DPYD: variants seen among roughly 807,000 people sequenced by gnomAD.
DPYD encodes dihydropyrimidine dehydrogenase, also known as dihydropyrimidine dehydrogenase [NADP(+)].
In DPYD, 109 loss-of-function variants were observed where a neutral mutation model predicts 116.2. The observed-to-expected ratio is 0.94, with a 90% CI of 0.80 to 1.10. The LOEUF (loss-of-function observed/expected upper bound fraction) is 1.10. DPYD is among the 50% of genes least tolerant of loss of function. DPYD has a pLI of 0.00. For synonymous variants in DPYD, 440 were observed against 432.0 expected (o/e 1.02, Z -0.23); for missense variants, 1,302 against 1,254.5 (o/e 1.04, Z -0.57).
At chr1:97,514,256 G>A in intron 13 of DPYD, 1 of 984,322 alleles carries the variant, frequency 1.0e-6, no homozygotes, top group Non-Finnish European at 1.2e-6. Flanking sequence ...ATCAATGCAT[G>A]TCACCAACAG....
At chr1:97,409,446 A>G (rs1222792359) in intron 14 of DPYD, among the ~76,000 whole-genome samples, 1 of 152,124 alleles carries the variant, frequency 6.6e-6, no homozygotes, top group African/African-American at 2.4e-5. Context: ...GGTCCTTTTT[A>G]TCAAGGTACC....
Position 97,699,629 on chromosome 1 carries a change from T to G in DPYD, c.484-82A>C, listed in dbSNP as rs960409980. 3.6e-6 allele frequency: 5 copies of G among 1,398,158 alleles called. No individual in the cohort carries two copies. In the African/African-American group the frequency reaches 7.1e-5, roughly 20 times the overall value. 86.6% of individuals were successfully genotyped at this position (1,398,158 alleles called of 1,614,324 possible). ...CATATTTTTAATGTTTCAAACGAATTCTTGTTTTAAATAGCAATGAGCAGT... is the reference window on the plus strand; with the variant it reads ...CATATTTTTAATGTTTCAAACGAATGCTTGTTTTAAATAGCAATGAGCAGT... On this transcript the variant is annotated intron_variant, in intron 5 of 22. Coordinates refer to ENST00000370192, the MANE Select transcript of DPYD (RefSeq NM_000110.4).
intron 20 of DPYD, among the ~76,000 whole-genome samples, chr1:97,125,735 C>T (rs1366725614): frequency 1.3e-5 from 2 of 152,018 alleles, no homozygotes; most frequent in African/African-American, 2.4e-5. Flanking sequence ...AAGACCCCTT[C>T]CTCTTTCTAC....
At chr1:97,476,396 T>C (rs1188339236) in intron 13 of DPYD, among the ~76,000 whole-genome samples, 1 of 152,118 alleles carries the variant, frequency 6.6e-6, no homozygotes, top group East Asian at 1.9e-4. Context: ...ATATGAACAA[T>C]TCACAAAGTA....
At chr1:97,451,543 T>C (rs749330886) in intron 13 of DPYD, among the ~76,000 whole-genome samples, 1 of 152,178 alleles carries the variant, frequency 6.6e-6, no homozygotes, top group Non-Finnish European at 1.5e-5. Context: ...TCCATTTCTA[T>C]TGTAATTGTG....
chr1:97,138,800 C>T (rs539681854), intron 20 of DPYD, among the ~76,000 whole-genome samples: 8 of 152,198 alleles, frequency 5.3e-5, no homozygotes, highest in Admixed American at 3.3e-4. Flanking sequence ...CTAATTAAGG[C>T]AATGCATTTT....
chr1:97,195,638 A>ATG (rs1557929603), intron 19 of DPYD, among the ~76,000 whole-genome samples: 6 of 3,144 alleles, frequency 1.9e-3, no homozygotes, highest in African/African-American at 7.9e-3. Flanking sequence ...GTATGTGTAT[A>ATG]TATATATATA....
At chr1:97,357,862 G>A (rs1670501352) in intron 16 of DPYD, among the ~76,000 whole-genome samples, 1 of 152,180 alleles carries the variant, frequency 6.6e-6, no homozygotes, top group Non-Finnish European at 1.5e-5. Flanking sequence ...GAACAGCTCC[G>A]ATCTGCAGCT....
chr1:97,492,140 T>C (rs559699156), intron 13 of DPYD, among the ~76,000 whole-genome samples: 1 of 152,276 alleles, frequency 6.6e-6, no homozygotes, highest in South Asian at 2.1e-4. Flanking sequence ...AATCTCCACA[T>C]ATTAAGCTCG....
At chr1:97,544,256 A>G (rs1341183153) in intron 12 of DPYD, among the ~76,000 whole-genome samples, 1 of 152,164 alleles carries the variant, frequency 6.6e-6, no homozygotes, top group Non-Finnish European at 1.5e-5. Context: ...CTTTGTCTAT[A>G]TGTACCTTGT....
chr1:97,238,421 A>G (rs1662100135), intron 18 of DPYD, among the ~76,000 whole-genome samples: 1 of 152,172 alleles, frequency 6.6e-6, no homozygotes, highest in South Asian at 2.1e-4. Context: ...GAATGACTTC[A>G]TCCACTAAGA....
chr1:97,127,790 G>A (rs1019752342), intron 20 of DPYD, among the ~76,000 whole-genome samples: 4 of 152,034 alleles, frequency 2.6e-5, no homozygotes, highest in Admixed American at 6.6e-5. Context: ...TTGTCTTACA[G>A]CTCCTGTATT....
At chr1:97,408,876 A>AT (rs1673819228) in intron 14 of DPYD, among the ~76,000 whole-genome samples, 1 of 152,138 alleles carries the variant, frequency 6.6e-6, no homozygotes, top group Non-Finnish European at 1.5e-5. Context: ...ATCAGACTCC[A>AT]AATTCTTCAG....
At chr1:97,776,883 T>C (rs1212564991) in intron 3 of DPYD, among the ~76,000 whole-genome samples, 5 of 152,210 alleles carry the variant, frequency 3.3e-5, no homozygotes, top group Admixed American at 3.3e-4. Flanking sequence ...ACTTTATTAA[T>C]TGTCAAAATT....
intron 14 of DPYD, among the ~76,000 whole-genome samples, chr1:97,390,763 T>C (rs924691436): frequency 2.0e-5 from 3 of 151,898 alleles, no homozygotes; most frequent in Non-Finnish European, 4.4e-5. Flanking sequence ...ATCAGAGATG[T>C]TTTCCAACAC....
At chr1:97,195,518 AGGAGAGAGAG>A (rs1557929234) in intron 19 of DPYD, among the ~76,000 whole-genome samples, 2 of 49,640 alleles carry the variant, frequency 4.0e-5, no homozygotes, top group African/African-American at 9.2e-5. Flanking sequence ...GAATGGGATA[AGGAGAGAGAG>A]AGAGAGAGAG....
chr1:97,501,060 T>A (rs1570847556), intron 13 of DPYD, among the ~76,000 whole-genome samples: 1 of 151,940 alleles, frequency 6.6e-6, no homozygotes, highest in East Asian at 1.9e-4. Context: ...ATTCCAACAT[T>A]CCAATACACA....
chr1:97,873,762 C>T (rs1671773142), intron 2 of DPYD, among the ~76,000 whole-genome samples: 1 of 151,760 alleles, frequency 6.6e-6, no homozygotes, highest in African/African-American at 2.4e-5. Context: ...TTCTCAGCAC[C>T]AAAAGCAGTG....
intron 5 of DPYD, among the ~76,000 whole-genome samples, chr1:97,703,770 A>G (rs1363088251): frequency 1.3e-5 from 2 of 152,076 alleles, no homozygotes; most frequent in African/African-American, 4.8e-5. Flanking sequence ...TAATCTCATG[A>G]GCATAGTTAA....
Sources: gnomAD v4.1 joint callset for allele counts (sites outside exome capture counted in the v4.1 genomes callset) on GRCh38, gnomAD v4.1.1 for gene constraint, MANE v1.5 for transcripts, NCBI Gene and HGNC (gene_info 2026-07-23, HGNC 2026-07-21) for gene names.